ANKIB1: variants seen among roughly 807,000 people sequenced by gnomAD.
The protein encoded by ANKIB1 is ankyrin repeat and IBR domain-containing protein 1.
In ANKIB1, 43 loss-of-function variants were observed where a neutral mutation model predicts 122.1. The ratio of observed to expected loss-of-function variants is 0.35; its 90% CI spans 0.28 to 0.45. The LOEUF is 0.45. Ranked by LOEUF, ANKIB1 falls within the 20% of genes least tolerant of loss-of-function variation. The pLI is 1.00. For missense variants in ANKIB1, 992 were observed against 1,329.5 expected, an observed-to-expected ratio of 0.75 and a Z score of 3.95; for synonymous variants, 390 against 442.0, an observed-to-expected ratio of 0.88 and a Z score of 1.48.
intron 3 of ANKIB1, among the ~76,000 whole-genome samples, chr7:92,309,085 G>T (rs996941501): frequency 1.3e-5 from 2 of 151,936 alleles, no homozygotes; most frequent in Non-Finnish European, 2.9e-5. Flanking sequence ...TCAATTCTTT[G>T]ATTTCTAATA....
intron 2 of ANKIB1, 137 bp from the exon 3 acceptor site, chr7:92,307,222 T>C: frequency 1.2e-6 from 1 of 838,196 alleles, no homozygotes; most frequent in East Asian, 2.7e-5. Context: ...CAAGCTGTTG[T>C]AAACCAGACC....
chr7:92,266,906 C>T lies in ANKIB1; in HGVS notation c.-91+20387C>T. On this transcript the variant is annotated intron_variant, in intron 1 of 19. Coordinates refer to ENST00000265742, the MANE Select transcript of ANKIB1 (RefSeq NM_019004.2). ...CAAAGTTTAACAGCATGACAGCCAG[C>T]AAAGGAAAGTAGTTTCCAATGCCCA... Among the ~76,000 whole-genome samples, 2 of 152,186 alleles carry T rather than the reference C, an allele frequency of 1.3e-5. 1 individual carries two copies. Among genetic ancestry groups the T allele is most frequent in the East Asian group, 3.8e-4 (2 of 5,198 alleles).
chr7:92,272,390 C>T (rs889848550), intron 1 of ANKIB1, among the ~76,000 whole-genome samples: 1 of 152,116 alleles, frequency 6.6e-6, no homozygotes, highest in Non-Finnish European at 1.5e-5. Context: ...TCAAAATTGT[C>T]AGCAACCTTG....
chr7:92,295,624 T>TA (rs577047914), intron 2 of ANKIB1, among the ~76,000 whole-genome samples: 44 of 152,332 alleles, frequency 2.9e-4, no homozygotes, highest in African/African-American at 1.0e-3. Flanking sequence ...TATTTTTAGT[T>TA]AAAAAATGGG....
chr7:92,306,505 A>C (rs1370318396), intron 2 of ANKIB1, among the ~76,000 whole-genome samples: 3 of 152,090 alleles, frequency 2.0e-5, no homozygotes, highest in African/African-American at 7.2e-5. Flanking sequence ...TGTGGTCTGA[A>C]TGGGGCATTG....
chr7:92,298,687 G>A (rs990370730), intron 2 of ANKIB1, among the ~76,000 whole-genome samples: 2 of 150,872 alleles, frequency 1.3e-5, no homozygotes, highest in Non-Finnish European at 2.9e-5. Context: ...TAAAACTGCT[G>A]GCACCTTTAA....
intron 10 of ANKIB1, among the ~76,000 whole-genome samples, chr7:92,366,365 A>G (rs968966144): frequency 1.3e-5 from 2 of 152,060 alleles, no homozygotes; most frequent in Non-Finnish European, 2.9e-5. Flanking sequence ...AAGTGCTACT[A>G]TCCTGTGGCA....
chr7:92,313,605 A>G (rs1273997856), intron 3 of ANKIB1, among the ~76,000 whole-genome samples: 2 of 152,148 alleles, frequency 1.3e-5, no homozygotes, highest in Admixed American at 6.6e-5. Flanking sequence ...TTAATTTTAC[A>G]TATCCTGGAA....
At chr7:92,309,290 G>A (rs907856689) in intron 3 of ANKIB1, among the ~76,000 whole-genome samples, 1 of 152,108 alleles carries the variant, frequency 6.6e-6, no homozygotes, top group Non-Finnish European at 1.5e-5. Flanking sequence ...TCTCTATGTT[G>A]TCCAGGCTGG....
intron 11 of ANKIB1, among the ~76,000 whole-genome samples, chr7:92,376,379 ATCT>A (rs1429058570): frequency 6.6e-6 from 1 of 151,784 alleles, no homozygotes; most frequent in Non-Finnish European, 1.5e-5. Context: ...TCTTAGCTAG[ATCT>A]TCTGGATAAT....
At chr7:92,394,645 C>T (rs1585142652) in intron 17 of ANKIB1, among the ~76,000 whole-genome samples, 1 of 151,996 alleles carries the variant, frequency 6.6e-6, no homozygotes, top group East Asian at 1.9e-4. Context: ...ATTTTCACAC[C>T]ATCTTTGTCT....
At chr7:92,371,680 A>T (rs1041045990) in intron 11 of ANKIB1, 73 bp downstream of exon 11, 34 of 1,507,634 alleles carry the variant, frequency 2.3e-5, no homozygotes, top group Non-Finnish European at 7.2e-6. Flanking sequence ...AATCCAAAGG[A>T]TAAATTATTT....
At chr7:92,280,727 A>G (rs1387720390) in intron 1 of ANKIB1, among the ~76,000 whole-genome samples, 1 of 152,202 alleles carries the variant, frequency 6.6e-6, no homozygotes, top group East Asian at 1.9e-4. Context: ...CTCTCCCAGC[A>G]TTGGATCTAT....
At chr7:92,260,250 A>G (rs559488075) in intron 1 of ANKIB1, among the ~76,000 whole-genome samples, 1 of 152,310 alleles carries the variant, frequency 6.6e-6, no homozygotes, top group Admixed American at 6.5e-5. Context: ...ATGCTACAGT[A>G]ACACTGGCCT....
At chr7:92,370,967 T>G (rs552497115) in intron 10 of ANKIB1, among the ~76,000 whole-genome samples, 1 of 152,324 alleles carries the variant, frequency 6.6e-6, no homozygotes, top group Admixed American at 6.5e-5. Flanking sequence ...ATGCTTAGTT[T>G]TAGATATGTC....
intron 10 of ANKIB1, among the ~76,000 whole-genome samples, chr7:92,366,812 A>G (rs1804096423): frequency 6.6e-6 from 1 of 152,240 alleles, no homozygotes; most frequent in African/African-American, 2.4e-5. Context: ...CCTGCCACAC[A>G]GCATATCCAT....
chr7:92,279,664 C>G (rs748528801), intron 1 of ANKIB1, among the ~76,000 whole-genome samples: 3 of 152,174 alleles, frequency 2.0e-5, no homozygotes, highest in Non-Finnish European at 4.4e-5. Flanking sequence ...TATCAGACAG[C>G]ATGAGGTTTT....
At position 92,399,711 on chromosome 7, in the gene ANKIB1, A is replaced by G. The variant is rs968814228; in HGVS notation, c.*762A>G. Reference sequence around the variant, plus strand: ...GGGTTTTTGTTGCCATGGAGACTGCATTTATATAAATGTAGCCTGTAGCTT... The same window carrying G: ...GGGTTTTTGTTGCCATGGAGACTGCGTTTATATAAATGTAGCCTGTAGCTT... On this transcript the variant is annotated 3_prime_UTR_variant, in exon 20 of 20. Coordinates refer to ENST00000265742, the MANE Select transcript of ANKIB1 (RefSeq NM_019004.2). The G allele has an allele frequency of 6.6e-6, 1 of 152,214 alleles. No homozygotes were observed. The highest frequency in any genetic ancestry group is 2.4e-5 in the African/African-American group (1 of 41,452). 9.4% of individuals were successfully genotyped at this position (152,214 alleles called of 1,614,324 possible).
chr7:92,345,063 A>T lies in ANKIB1; in HGVS notation c.1082A>T (p.Glu361Val). The change falls in exon 7 of 20, where the codon GAG becomes GTG. Residue 361 changes from glutamate (E) to valine (V), a missense_variant. Around this residue, in one of 4 missense-constraint regions of ANKIB1, gnomAD observed 521 missense variants for 777.7 expected, o/e 0.67. Transcript: ENST00000265742. Reference sequence around the variant, plus strand: ...CATGACTTTTGTAGAGGATGTTGGGAGTCGTGAGTATATGAGCACCTTAGC... The same window carrying T: ...CATGACTTTTGTAGAGGATGTTGGGTGTCGTGAGTATATGAGCACCTTAGC... Reference protein sequence around the residue: ...CGHDFCRGCWESFLNLKIQEG... With the variant: ...CGHDFCRGCWVSFLNLKIQEG... The T allele has an allele frequency of 3.1e-6, 5 of 1,609,550 alleles. No homozygotes were observed. The highest frequency in any genetic ancestry group is 4.3e-6 in the Non-Finnish European group (5 of 1,176,266).
Sources: gnomAD v4.1 joint callset for allele counts (sites outside exome capture counted in the v4.1 genomes callset) on GRCh38, gnomAD v4.1.1 for gene constraint, gnomAD v4.1.1 regional missense constraint, MANE v1.5 for transcripts, NCBI Gene and HGNC (gene_info 2026-07-23, HGNC 2026-07-21) for gene names.